EPB41L3: variants seen among roughly 807,000 people sequenced by gnomAD.
EPB41L3 encodes the protein band 4.1-like protein 3.
Under a neutral mutation model 127.1 loss-of-function variants are expected in EPB41L3, and 57 were observed. That is an observed-to-expected ratio of 0.45 (90% CI 0.36 to 0.56). The LOEUF is 0.56. Among genes scored for constraint, EPB41L3 ranks in the 20% least tolerant of loss-of-function variants. The pLI is 0.00. For missense variants in EPB41L3, 1,273 were observed against 1,372.2 expected (o/e 0.93, Z 1.14); for synonymous variants, 572 against 549.5 (o/e 1.04, Z -0.57).
At chr18:5,629,989 G>T (rs1483467304), upstream of EPB41L3, among the ~76,000 whole-genome samples, 1 of 152,198 alleles carries the variant, frequency 6.6e-6, no homozygotes, top group East Asian at 1.9e-4. Flanking sequence ...AGGGCCTTGG[G>T]CTCCGAGGAA....
chr18:5,394,925 A>G (rs894926075), intron 21 of EPB41L3, 132 bp from the exon 22 acceptor site: 1 of 1,180,056 alleles, frequency 8.5e-7, no homozygotes, highest in African/African-American at 1.5e-5. Flanking sequence ...TTACAAAAGG[A>G]ATCATAAATC....
intron 1 of EPB41L3, among the ~76,000 whole-genome samples, chr18:5,537,706 T>C (rs2149006169): frequency 6.6e-6 from 1 of 152,280 alleles, no homozygotes; most frequent in South Asian, 2.1e-4. Context: ...ATATTCCAGC[T>C]AAAGGCAGGT....
intron 3 of EPB41L3, among the ~76,000 whole-genome samples, chr18:5,595,221 T>C (rs1186783600): frequency 6.6e-6 from 1 of 152,174 alleles, no homozygotes; most frequent in East Asian, 1.9e-4. Flanking sequence ...AAGAGAATCC[T>C]TGGAGCTAAA....
chr18:5,535,321 A>G lies in EPB41L3; in HGVS notation c.-12+8592T>C, dbSNP rs576967384. 2.0e-5 allele frequency among the ~76,000 whole-genome samples: 3 copies of G among 152,278 alleles called. No homozygotes were observed. The South Asian group carries it at 6.2e-4, about 32-fold the overall frequency. The stretch of plus-strand genomic sequence containing the variant: ...AGGTTGGGGACCCCTGTTCTACAAT[A>G]TAACTCCCCCCAATGAATTACTGCT... On this transcript the variant is annotated intron_variant, in intron 1 of 22. Coordinates refer to ENST00000341928, the MANE Select transcript of EPB41L3 (RefSeq NM_012307.5).
chr18:5,424,992 G>A (rs1373785600), intron 9 of EPB41L3, among the ~76,000 whole-genome samples: 1 of 152,120 alleles, frequency 6.6e-6, no homozygotes. Context: ...TTCAGATGAT[G>A]CCTTATCAGC....
intron 1 of EPB41L3, among the ~76,000 whole-genome samples, chr18:5,515,599 T>C (rs1320867691): frequency 2.6e-5 from 4 of 152,052 alleles, no homozygotes; most frequent in East Asian, 3.9e-4. Flanking sequence ...TTAACTGAAA[T>C]AGCACAGCAA....
intron 3 of EPB41L3, among the ~76,000 whole-genome samples, chr18:5,551,416 G>A (rs926466011): frequency 6.6e-6 from 1 of 152,044 alleles, no homozygotes; most frequent in Non-Finnish European, 1.5e-5. Context: ...ATCACGTGGG[G>A]GGATTTTTTA....
chr18:5,612,089 CAA>C (rs535913117), intron 3 of EPB41L3, among the ~76,000 whole-genome samples: 8 of 114,120 alleles, frequency 7.0e-5, no homozygotes, highest in Admixed American at 9.0e-5. Flanking sequence ...ACAATTAGGG[CAA>C]AAAAAAAAAA....
chr18:5,530,958 T>A (rs1390061772), intron 1 of EPB41L3, among the ~76,000 whole-genome samples: 1 of 152,174 alleles, frequency 6.6e-6, no homozygotes, highest in East Asian at 1.9e-4. Context: ...TATACTCCAC[T>A]GTTAGGCAGA....
In EPB41L3 at chr18:5,488,808, G is replaced by A. The variant is rs1440386803; in HGVS notation, c.183+193C>T. The A allele has an allele frequency of 5.5e-6, 3 of 542,642 alleles. No homozygotes were observed. In the African/African-American group the frequency reaches 6.1e-5, roughly 11 times the overall value. 33.6% of individuals were successfully genotyped at this position (542,642 alleles called of 1,614,324 possible). On this transcript the variant is annotated intron_variant, in intron 2 of 22. Coordinates refer to ENST00000341928, the MANE Select transcript of EPB41L3 (RefSeq NM_012307.5). ...TTCAGTGTTTTAATTAAAAGAAGGA[G>A]TTACCAAGCAAGGTTGTGGAATGTC... is the stretch of plus-strand genomic sequence containing the variant.
chr18:5,560,619 T>C (rs909274944), intron 3 of EPB41L3, among the ~76,000 whole-genome samples: 6 of 152,180 alleles, frequency 3.9e-5, no homozygotes, highest in African/African-American at 1.4e-4. Context: ...TGCTGCACCA[T>C]TTGCCGCACC....
intron 1 of EPB41L3, among the ~76,000 whole-genome samples, chr18:5,542,862 G>A (rs1031282834): frequency 6.6e-6 from 1 of 152,206 alleles, no homozygotes; most frequent in Non-Finnish European, 1.5e-5. Context: ...GCGTGGGGGG[G>A]AAGGGGAAGA....
At chr18:5,502,282 GACTA>G (rs1218171161) in intron 1 of EPB41L3, among the ~76,000 whole-genome samples, 1 of 151,088 alleles carries the variant, frequency 6.6e-6, no homozygotes, top group Non-Finnish European at 1.5e-5. Context: ...GTTCAAAGGA[GACTA>G]ACTCAGAAAT....
At chr18:5,396,477 C>A (rs1315720502) in intron 18 of EPB41L3, 145 bp from the exon 19 acceptor site, 33 of 851,040 alleles carry the variant, frequency 3.9e-5, no homozygotes, top group Non-Finnish European at 1.1e-5. Flanking sequence ...ATGAGGCATA[C>A]AACATGCACA....
chr18:5,453,047 C>A (rs1857632017), intron 3 of EPB41L3, among the ~76,000 whole-genome samples: 1 of 152,194 alleles, frequency 6.6e-6, no homozygotes, highest in African/African-American at 2.4e-5. Flanking sequence ...CCAAAATGGG[C>A]ATTGCCTCCA....
At chr18:5,465,969 C>G (rs546110652) in intron 3 of EPB41L3, among the ~76,000 whole-genome samples, 92 of 109,816 alleles carry the variant, frequency 8.4e-4, no homozygotes, top group Non-Finnish European at 1.5e-3. Flanking sequence ...TTACCACCAC[C>G]AACAAAAAAA....
At chr18:5,442,303 CT>C (rs759787388) in intron 5 of EPB41L3, among the ~76,000 whole-genome samples, 41 of 152,268 alleles carry the variant, frequency 2.7e-4, no homozygotes, top group Non-Finnish European at 4.7e-4. Context: ...TCTCAATTAA[CT>C]GTTTCTATTA....
At chr18:5,532,906 CT>C in intron 1 of EPB41L3, among the ~76,000 whole-genome samples, 1 of 152,034 alleles carries the variant, frequency 6.6e-6, no homozygotes. Flanking sequence ...TGGAATCCAA[CT>C]CTTAAATAAG....
chr18:5,425,134 A>G (rs1475882132), intron 9 of EPB41L3, among the ~76,000 whole-genome samples: 2 of 152,182 alleles, frequency 1.3e-5, no homozygotes, highest in South Asian at 4.1e-4. Flanking sequence ...CTTAAACAGT[A>G]AAGGCTTCCC....
Sources: gnomAD v4.1 joint callset for allele counts (sites outside exome capture counted in the v4.1 genomes callset) on GRCh38, gnomAD v4.1.1 for gene constraint, MANE v1.5 for transcripts, NCBI Gene and HGNC (gene_info 2026-07-23, HGNC 2026-07-21) for gene names.